Variants in PTBP1 observed in about 807,000 individuals in gnomAD.
PTBP1 encodes the protein polypyrimidine tract binding protein 1.
A neutral mutation model predicts 59.8 loss-of-function variants in PTBP1; 8 were observed. That is an observed-to-expected ratio of 0.13 (90% CI 0.08 to 0.24). The LOEUF is 0.24. Ranked by LOEUF, PTBP1 falls within the 10% of genes least tolerant of loss-of-function variation. The pLI, the probability that PTBP1 is intolerant of heterozygous loss-of-function variation, is 1.00. For missense variants in PTBP1, 686 were observed against 767.0 expected (o/e 0.89, Z 1.25); for synonymous variants, 490 against 320.7 (o/e 1.53, Z -5.64).
chr19:798,054 C>T (rs980773553), intron 1 of PTBP1, among the ~76,000 whole-genome samples: 1 of 151,510 alleles, frequency 6.6e-6, no homozygotes, highest in African/African-American at 2.4e-5. Context: ...AAGCTGGCGC[C>T]GGGGCCTCGC....
At chr19:800,671 C>T (rs1027343931) in intron 2 of PTBP1, among the ~76,000 whole-genome samples, 3 of 152,220 alleles carry the variant, frequency 2.0e-5, no homozygotes, top group South Asian at 2.1e-4. Context: ...GCTGCCTGCC[C>T]CGATCTTCCT....
Position 803,650 on chromosome 19 carries a change from T to G in PTBP1, c.115+14T>G, listed in dbSNP as rs779270899. 6.2e-7 allele frequency: 1 copy of G among 1,612,312 alleles called. No homozygotes were observed. Among genetic ancestry groups the G allele is most frequent in the African/African-American group, 1.3e-5 (1 of 75,012 alleles). Reference sequence around the variant, plus strand: ...CGGCTTCTGCAGGTAAGGCCGGGACTCGGCCCAGGGCAAGACCCGTGGGTG... The same window carrying G: ...CGGCTTCTGCAGGTAAGGCCGGGACGCGGCCCAGGGCAAGACCCGTGGGTG... On this transcript the variant is annotated intron_variant, in intron 3 of 14. Transcript: ENST00000356948.
intron 1 of PTBP1, among the ~76,000 whole-genome samples, chr19:799,168 G>C (rs954071920): frequency 2.6e-5 from 4 of 152,246 alleles, no homozygotes; most frequent in Non-Finnish European, 5.9e-5. Context: ...GTGGGGCCTG[G>C]GGTCCTGCTG....
In PTBP1 at chr19:810,621, G is replaced by GTGAGTA. The variant is rs1262346001; in HGVS notation, c.1541+6_1541+11dup. The GTGAGTA allele has an allele frequency of 1.9e-6, 3 of 1,613,672 alleles. No individual in the cohort carries two copies. The highest frequency in any genetic ancestry group is 2.5e-6 in the Non-Finnish European group (3 of 1,179,896). ...TCGTCAAAGGATTCAAGTTCTTCCA[G>GTGAGTA]TGAGTATGAGGCGGGCTGTCCCTGG... On this transcript the variant is annotated splice_donor_variant, in intron 14 of 14. Coordinates refer to ENST00000356948, the MANE Select transcript of PTBP1 (RefSeq NM_002819.5). LOFTEE classifies it high-confidence loss of function.
At chr19:806,233 G>A (rs1219211323) in intron 9 of PTBP1, 175 bp from the exon 10 acceptor site, 2 of 610,606 alleles carry the variant, frequency 3.3e-6, no homozygotes, top group Non-Finnish European at 5.2e-6. Context: ...GCAGGAGCCG[G>A]CGGGTGGCTG....
chr19:810,476 C>A, intron 13 of PTBP1, 67 bp from the exon 14 acceptor site: 1 of 1,403,908 alleles, frequency 7.1e-7, no homozygotes, highest in Non-Finnish European at 9.9e-7. Flanking sequence ...TGGGGAAAGC[C>A]TCGCGGACCT....
intron 1 of PTBP1, among the ~76,000 whole-genome samples, chr19:798,121 C>T (rs1247585731): frequency 1.3e-5 from 2 of 151,988 alleles, no homozygotes; most frequent in Admixed American, 6.5e-5. Context: ...GCGCCCCGGG[C>T]CGCGGCCAAG....
Position 797,549 on chromosome 19 carries a change from G to T in PTBP1, c.8+44G>T, listed in dbSNP as rs769398488. 2.8e-6 allele frequency: 4 copies of T among 1,435,350 alleles called. No homozygotes were observed. The African/African-American group carries it at 4.5e-5, about 16-fold the overall frequency. 88.9% of individuals were successfully genotyped at this position (1,435,350 alleles called of 1,614,324 possible). ...CGCGCCCCACCGCCCTCCCCGCGCC[G>T]CAGCCCTGCCCCCGCCGCCGCGCCG... is the stretch of plus-strand genomic sequence containing the variant. On this transcript the variant is annotated intron_variant, in intron 1 of 14. Transcript: ENST00000356948.
intron 2 of PTBP1, 43 bp downstream of exon 2, chr19:799,486 C>G (rs373433750): frequency 7.5e-6 from 12 of 1,606,274 alleles, no homozygotes; most frequent in African/African-American, 1.3e-5. Context: ...CTCCTCTGAC[C>G]TTGTGCCGAC....
intron 1 of PTBP1, 42 bp downstream of exon 1, chr19:797,547 C>T (rs759349469): frequency 1.6e-5 from 23 of 1,445,252 alleles, no homozygotes; most frequent in Admixed American, 9.7e-5. Context: ...CCTCCCCGCG[C>T]CGCAGCCCTG....
rs776132106 is a variant in PTBP1 at position 804,721 on chromosome 19, C to T, written c.606+19C>T. On this transcript the variant is annotated intron_variant, in intron 6 of 14. Coordinates refer to ENST00000356948, the MANE Select transcript of PTBP1 (RefSeq NM_002819.5). ...GCACCAGGTGAGGTGGTCCCATCACCGCCAGGGCAGGTCGGCTGCTATTGC... is the reference window on the plus strand; with the variant it reads ...GCACCAGGTGAGGTGGTCCCATCACTGCCAGGGCAGGTCGGCTGCTATTGC... 21 of 1,610,062 alleles carry T rather than the reference C, an allele frequency of 1.3e-5. No individual in the cohort carries two copies. Among genetic ancestry groups the T allele is most frequent in the Admixed American group, 3.3e-5 (2 of 59,876 alleles).
At chr19:805,238 C>A (rs377123149) in intron 8 of PTBP1, 51 bp downstream of exon 8, 2 of 1,593,144 alleles carry the variant, frequency 1.3e-6, no homozygotes, top group South Asian at 1.1e-5. Context: ...CTATTAGGGC[C>A]GCTCAGTCCG....
chr19:808,044 CGAATTTTATTTGGTCCCGT>C lies in PTBP1; in HGVS notation c.1153+143_1153+161del. On this transcript the variant is annotated intron_variant, in intron 11 of 14. Coordinates refer to ENST00000356948, the MANE Select transcript of PTBP1 (RefSeq NM_002819.5). The surrounding 1 kb of genome is among the most constrained non-coding windows in gnomAD (Gnocchi z 4.7). ...CGTTTTATGGTTTGCTTTCGGTTTG[CGAATTTTATTTGGTCCCGT>C]AGATACGTACGCATGGTTTATCGCC... is the stretch of plus-strand genomic sequence containing the variant. 3 of 814,718 alleles carry C rather than the reference CGAATTTTATTTGGTCCCGT, an allele frequency of 3.7e-6. No individual in the cohort carries two copies. The highest frequency in any genetic ancestry group is 6.3e-6 in the Non-Finnish European group (3 of 477,578). 50.5% of individuals were successfully genotyped at this position (814,718 alleles called of 1,614,324 possible).
rs1297246141 is a variant in PTBP1, at chr19:808,644, G to A, written c.1345G>A (p.Asp449Asn). Reference sequence around the variant, plus strand: ...GCAGCTGCCCCGCGAGGGCCAGGAGGACCAGGGCCTGACCAAGGACTACGG... The same window carrying A: ...GCAGCTGCCCCGCGAGGGCCAGGAGAACCAGGGCCTGACCAAGGACTACGG... ...NVQLPREGQE[D>N]QGLTKDYGNS... is the part of the protein sequence containing the mutation. Residue 449 changes from aspartate (D) to asparagine (N), a missense_variant, in exon 13 of 15, where the codon GAC becomes AAC. Asp to Asn is a conservative substitution (Grantham distance 23). Transcript: ENST00000356948. The surrounding 1 kb of genome is among the most constrained non-coding windows in gnomAD (Gnocchi z 4.7). 1 of 1,611,714 alleles carries A rather than the reference G, an allele frequency of 6.2e-7. No homozygotes were observed. The highest frequency in any genetic ancestry group is 8.5e-7 in the Non-Finnish European group (1 of 1,179,870).
rs368550018 is a variant in PTBP1, at chr19:804,368, G to A, written c.365G>A (p.Arg122His). ...NYYTSVTPVL[R>H]GQPIYIQFSN... ...TACACCTCGGTGACCCCTGTGCTGC[G>A]CGGCCAGCCCATCTACATCCAGTTC... The change falls in exon 5 of 15, where the codon CGC becomes CAC. Residue 122 changes from arginine (R) to histidine (H), a missense_variant. Coordinates refer to ENST00000356948, the MANE Select transcript of PTBP1 (RefSeq NM_002819.5). 1.9e-5 allele frequency: 31 copies of A among 1,612,912 alleles called. No homozygotes were observed. The highest frequency in any genetic ancestry group is 3.3e-5 in the South Asian group (3 of 91,072).
chr19:799,295 G>A (rs1022205180), intron 1 of PTBP1, 118 bp from the exon 2 acceptor site: 7 of 902,896 alleles, frequency 7.8e-6, no homozygotes, highest in South Asian at 1.3e-5. Flanking sequence ...GCCAGAGGGA[G>A]CCCTGCGGAG....
chr19:806,768 CTTGCATGAT>C, intron 10 of PTBP1: 1 of 493,588 alleles, frequency 2.0e-6, no homozygotes, highest in Non-Finnish European at 3.5e-6. Context: ...CGCGTTTTCT[CTTGCATGAT>C]ACGCAGAATG....
At chr19:805,425 C>A in intron 8 of PTBP1, 67 bp from the exon 9 acceptor site, 1 of 1,482,946 alleles carries the variant, frequency 6.7e-7, no homozygotes, top group Non-Finnish European at 9.4e-7. Context: ...GGGGCCCATC[C>A]CGCAGCACAG....
At chr19:798,877 C>T (rs1272444035) in intron 1 of PTBP1, among the ~76,000 whole-genome samples, 1 of 152,206 alleles carries the variant, frequency 6.6e-6, no homozygotes, top group Non-Finnish European at 1.5e-5. Context: ...GTGTTCTGGT[C>T]GGTCTGTTAA....
Sources: gnomAD v4.1 joint callset for allele counts (sites outside exome capture counted in the v4.1 genomes callset) on GRCh38, gnomAD v4.1.1 for gene constraint, Gnocchi (gnomAD v3.1) non-coding constraint, MANE v1.5 for transcripts, NCBI Gene and HGNC (gene_info 2026-07-23, HGNC 2026-07-21) for gene names.